MIER3: variants seen among roughly 807,000 people sequenced by gnomAD.
MIER3 encodes mesoderm induction early response protein 3.
In MIER3, 9 loss-of-function variants were observed where a neutral mutation model predicts 63.2. That is an observed-to-expected ratio of 0.14 (90% CI 0.09 to 0.25). The LOEUF (loss-of-function observed/expected upper bound fraction) is 0.25, where lower values mean the gene tolerates loss of function less well. Ranked by LOEUF, MIER3 falls within the 10% of genes least tolerant of loss-of-function variation. MIER3 has a pLI of 1.00. For synonymous variants in MIER3, 205 were observed against 224.9 expected, an observed-to-expected ratio of 0.91 and a Z score of 0.79; for missense variants, 512 against 666.2, an observed-to-expected ratio of 0.77 and a Z score of 2.55.
Position 56,924,053 on chromosome 5 carries a change from A to G in MIER3, c.925-11T>C, listed in dbSNP as rs749169048. On this transcript the variant is annotated splice_polypyrimidine_tract_variant and intron_variant, in intron 10 of 12. Coordinates refer to ENST00000381199, the MANE Select transcript of MIER3 (RefSeq NM_001297599.2). ...TGTCCTAGTTCTCACCTAATGAAAA[A>G]GTTGAATTTTTAAAAAACCAACAAA... 1.2e-5 allele frequency: 19 copies of G among 1,587,600 alleles called. No homozygotes were observed. The highest frequency in any genetic ancestry group is 1.6e-5 in the Non-Finnish European group (19 of 1,171,044).
Position 56,949,334 on chromosome 5 carries a change from C to T in MIER3, c.34+1294G>A, listed in dbSNP as rs1409840321. 2.0e-5 allele frequency among the ~76,000 whole-genome samples: 3 copies of T among 152,060 alleles called. 1 individual carries two copies. The South Asian group carries it at 6.2e-4, about 32-fold the overall frequency. ...CCCCATTGCACTCCAGCCTGCATAA[C>T]GTCTCAAACAAACAAACAAAAAACA... On this transcript the variant is annotated intron_variant, in intron 2 of 12. Transcript: ENST00000381199.
At chr5:56,928,379 T>C (rs1047252235) in intron 10 of MIER3, 3 of 154,264 alleles carry the variant, frequency 1.9e-5, no homozygotes, top group Non-Finnish European at 4.3e-5. Context: ...TGTTAGAATA[T>C]GTTTCTAGTT....
upstream of MIER3, chr5:56,952,206 C>G (rs1751066831): frequency 2.0e-6 from 2 of 1,006,352 alleles, no homozygotes; most frequent in South Asian, 4.6e-5. Flanking sequence ...CGCCCGGCAC[C>G]CGCCCGGCGG....
At chr5:56,947,268 G>A in intron 2 of MIER3, 197 bp from the exon 3 acceptor site, 1 of 491,438 alleles carries the variant, frequency 2.0e-6, no homozygotes, top group South Asian at 3.8e-5. Flanking sequence ...AAATAACAAG[G>A]CAAAGTTATT....
At chr5:56,948,861 A>G (rs1312371619) in intron 2 of MIER3, among the ~76,000 whole-genome samples, 1 of 152,118 alleles carries the variant, frequency 6.6e-6, no homozygotes, top group African/African-American at 2.4e-5. Context: ...TTACTCTTCT[A>G]TCACTTGGCA....
chr5:56,933,564 C>G (rs190680862), intron 7 of MIER3, among the ~76,000 whole-genome samples, 166 bp from the exon 8 acceptor site: 1 of 152,126 alleles, frequency 6.6e-6, no homozygotes, highest in African/African-American at 2.4e-5. Flanking sequence ...CACACACAAG[C>G]GAAAATTTAA....
intron 3 of MIER3, among the ~76,000 whole-genome samples, chr5:56,944,650 C>T (rs765490150): frequency 1.1e-4 from 17 of 152,164 alleles, no homozygotes; most frequent in Non-Finnish European, 2.1e-4. Context: ...TACCTTAAGG[C>T]ACAGGCTGCA....
chr5:56,951,734 C>T (rs1241097960), intron 1 of MIER3, among the ~76,000 whole-genome samples: 1 of 138,448 alleles, frequency 7.2e-6, no homozygotes, highest in Non-Finnish European at 1.6e-5. Flanking sequence ...CACCCGGGCC[C>T]GGGGAAGAGG....
At chr5:56,936,110 G>A (rs756568142) in intron 5 of MIER3, among the ~76,000 whole-genome samples, 1 of 151,992 alleles carries the variant, frequency 6.6e-6, no homozygotes, top group Non-Finnish European at 1.5e-5. Flanking sequence ...CCAGCTACTC[G>A]GGAGGCTGAG....
At chr5:56,931,675 A>C (rs1261383093) in intron 8 of MIER3, among the ~76,000 whole-genome samples, 4 of 152,180 alleles carry the variant, frequency 2.6e-5, no homozygotes, top group African/African-American at 9.7e-5. Flanking sequence ...AAAACCTTAG[A>C]TGTATTACTT....
At chr5:56,946,453 G>T (rs1750827447) in intron 3 of MIER3, among the ~76,000 whole-genome samples, 1 of 151,988 alleles carries the variant, frequency 6.6e-6, no homozygotes, top group South Asian at 2.1e-4. Flanking sequence ...AGCAGGGGAT[G>T]GGATATTACC....
Position 56,928,989 on chromosome 5 carries a change from T to TCACACACACACA in MIER3, c.830-129_830-128insTGTGTGTGTGTG, listed in dbSNP as rs1161950983. Reference sequence around the variant, plus strand: ...CTCTCTCACACACACACACTCTCTCTCTCACACACACACACACTCTCTCTC... The same window carrying TCACACACACACA: ...CTCTCTCACACACACACACTCTCTCTCACACACACACACTCACACACACACACACTCTCTCTC... On this transcript the variant is annotated intron_variant, in intron 9 of 12. Transcript: ENST00000381199. 569 of 468,812 alleles carry TCACACACACACA rather than the reference T, an allele frequency of 1.2e-3. 12 individuals are homozygous for TCACACACACACA. The Admixed American group carries it at 0.021, about 17-fold the overall frequency. The allele number at this position is 468,812 out of a possible 1,614,324, so 29.0% of individuals were successfully genotyped here. A position where few individuals can be genotyped will look rare whatever the true frequency, so the allele number is the denominator to read the frequency against.
intron 10 of MIER3, among the ~76,000 whole-genome samples, chr5:56,927,021 T>C (rs184160583): frequency 1.6e-4 from 24 of 152,222 alleles, no homozygotes; most frequent in Admixed American, 3.9e-4. Flanking sequence ...TCCAACTATA[T>C]GACATTCTGA....
chr5:56,952,161 A>C (rs1751063941), upstream of MIER3: 4 of 1,162,222 alleles, frequency 3.4e-6, no homozygotes, highest in Non-Finnish European at 4.3e-6. Flanking sequence ...GGGGCGCCTG[A>C]GCCAATCGCA....
chr5:56,950,531 T>A, intron 2 of MIER3, 97 bp downstream of exon 2: 2 of 1,297,178 alleles, frequency 1.5e-6, no homozygotes. Flanking sequence ...AAGAAAAACC[T>A]GCAGGATACA....
intron 3 of MIER3, among the ~76,000 whole-genome samples, chr5:56,944,474 C>G (rs1364671643): frequency 1.3e-5 from 2 of 151,274 alleles, no homozygotes; most frequent in Non-Finnish European, 2.9e-5. Context: ...GAGCGAGACT[C>G]CGTCTCAAAA....
Position 56,923,986 on chromosome 5 carries a change from A to G in MIER3, c.981T>C (p.Ser327=). The change falls in exon 11 of 13, where the codon TCT becomes TCC. Residue 327 remains serine, a synonymous_variant. Coordinates refer to ENST00000381199, the MANE Select transcript of MIER3 (RefSeq NM_001297599.2). ...CVAFYYMWKK[S]ERYDYFAQQT... ...GTTGAGCAAAGTAATCATAACGTTC[A>G]GATTTCTTCCACATATAGTAGAATG... The G allele has an allele frequency of 6.2e-7, 1 of 1,614,072 alleles. No homozygotes were observed. Among genetic ancestry groups the G allele is most frequent in the African/African-American group, 1.3e-5 (1 of 75,046 alleles).
At chr5:56,947,110 A>T (rs775974918) in intron 2 of MIER3, 39 bp from the exon 3 acceptor site, 2 of 1,578,710 alleles carry the variant, frequency 1.3e-6, no homozygotes, top group Middle Eastern at 1.7e-4. Flanking sequence ...CACATTTACA[A>T]GGCTATTAAC....
chr5:56,939,469 A>C (rs1579855422), intron 3 of MIER3, among the ~76,000 whole-genome samples: 2 of 152,230 alleles, frequency 1.3e-5, no homozygotes, highest in Non-Finnish European at 2.9e-5. Context: ...CTGAATGTTT[A>C]CTAACATCAG....
Sources: gnomAD v4.1 joint callset for allele counts (sites outside exome capture counted in the v4.1 genomes callset) on GRCh38, gnomAD v4.1.1 for gene constraint, MANE v1.5 for transcripts, NCBI Gene and HGNC (gene_info 2026-07-23, HGNC 2026-07-21) for gene names.